Variants in METTL6 observed in about 807,000 individuals in gnomAD.
METTL6 encodes tRNA N(3)-cytidine methyltransferase METTL6.
METTL6 carries 22 observed loss-of-function variants against 26.4 expected under a neutral mutation model. That is an observed-to-expected ratio of 0.83 (90% CI 0.59 to 1.19). METTL6 has a LOEUF of 1.19. Ranked by LOEUF, METTL6 falls within the 50% of genes most tolerant of loss-of-function variation. The pLI is 0.00. For synonymous variants in METTL6, 109 were observed against 116.2 expected, an observed-to-expected ratio of 0.94 and a Z score of 0.40; for missense variants, 304 against 324.8, an observed-to-expected ratio of 0.94 and a Z score of 0.49.
At chr3:15,425,142 A>G (rs778771216) in intron 2 of METTL6, 53 bp from the exon 3 acceptor site, 4 of 1,596,978 alleles carry the variant, frequency 2.5e-6, no homozygotes, top group Non-Finnish European at 2.6e-6. Context: ...TAATGAAGAA[A>G]TAAACCAAAC....
chr3:15,398,552 CAAT>C (rs1441756372), intron 6 of METTL6, among the ~76,000 whole-genome samples: 1 of 152,070 alleles, frequency 6.6e-6, no homozygotes, highest in African/African-American at 2.4e-5. Context: ...CAGGCAGTTA[CAAT>C]AAGAGTTCCA....
At chr3:15,419,121 T>G (rs919968894) in intron 3 of METTL6, among the ~76,000 whole-genome samples, 3 of 151,788 alleles carry the variant, frequency 2.0e-5, no homozygotes, top group Non-Finnish European at 4.4e-5. Flanking sequence ...TTTGCACCAC[T>G]ATACTCCAGC....
intron 3 of METTL6, among the ~76,000 whole-genome samples, chr3:15,421,322 T>C (rs2061606910): frequency 6.6e-6 from 1 of 152,230 alleles, no homozygotes; most frequent in African/African-American, 2.4e-5. Flanking sequence ...CCCATAAAAT[T>C]GGATACTGTG....
chr3:15,427,521 G>A lies in METTL6; in HGVS notation c.-244C>T, dbSNP rs367822381. 38 of 527,224 alleles carry A rather than the reference G, an allele frequency of 7.2e-5. No individual in the cohort carries two copies. Among genetic ancestry groups the A allele is most frequent in the African/African-American group, 2.8e-4 (14 of 50,362 alleles). The allele number at this position is 527,224 out of a possible 1,614,324, so 32.7% of individuals were successfully genotyped here. ...CCGGGAGTTCTTTTGCCATGGCACC[G>A]CCCCCGCCACTTCCGCTAGGAACCC... On this transcript the variant is annotated 5_prime_UTR_variant, in exon 1 of 6. Transcript: ENST00000383790.
intron 4 of METTL6, 194 bp from the exon 5 acceptor site, chr3:15,414,356 T>A (rs1378277774): frequency 1.0e-5 from 13 of 1,288,016 alleles, no homozygotes; most frequent in Non-Finnish European, 9.8e-6. Context: ...CTAAGACACT[T>A]CTTTTTTTTT....
intron 5 of METTL6, chr3:15,413,817 C>A: frequency 6.7e-7 from 1 of 1,489,610 alleles, no homozygotes; most frequent in Non-Finnish European, 8.9e-7. Context: ...TCACTGACAC[C>A]AGAGAAGGCT....
Position 15,411,118 on chromosome 3 carries a change from C to A in METTL6, c.*138G>T. 1 of 932,722 alleles carries A rather than the reference C, an allele frequency of 1.1e-6. No individual in the cohort carries two copies. The highest frequency in any genetic ancestry group is 1.6e-6 in the Non-Finnish European group (1 of 640,252). 57.8% of individuals were successfully genotyped at this position (932,722 alleles called of 1,614,324 possible). A position where few individuals can be genotyped will look rare whatever the true frequency, so the allele number is the denominator to read the frequency against. ...CCATGTTGGCCAGGCTGGTCTCAAACTCCTGACCTCAGATGATCCCCCAAC... is the reference window on the plus strand; with the variant it reads ...CCATGTTGGCCAGGCTGGTCTCAAAATCCTGACCTCAGATGATCCCCCAAC... On this transcript the variant is annotated 3_prime_UTR_variant, in exon 6 of 6. Coordinates refer to ENST00000383790, the MANE Select transcript of METTL6 (RefSeq NM_152396.4).
At chr3:15,392,602 T>C (rs1304736903) in intron 6 of METTL6, among the ~76,000 whole-genome samples, 1 of 152,236 alleles carries the variant, frequency 6.6e-6, no homozygotes, top group Admixed American at 6.5e-5. Context: ...ATTGCCTAGG[T>C]TTCCTTCTAG....
At chr3:15,420,006 C>T (rs574889200) in intron 3 of METTL6, among the ~76,000 whole-genome samples, 8 of 151,888 alleles carry the variant, frequency 5.3e-5, no homozygotes, top group African/African-American at 1.4e-4. Context: ...GGACTACAGG[C>T]GCCCGCCACC....
chr3:15,383,248 T>G (rs1699116490), exon 7 of METTL6: 1 of 152,178 alleles, frequency 6.6e-6, no homozygotes, highest in African/African-American at 2.4e-5. Flanking sequence ...AATTACTAAG[T>G]TTTTATTCCA....
At chr3:15,384,704 A>C (rs1318334633) in intron 6 of METTL6, 1 of 152,338 alleles carries the variant, frequency 6.6e-6, no homozygotes, top group African/African-American at 2.4e-5. Context: ...ACGCCACTGC[A>C]CTCCAGCCCA....
chr3:15,395,756 T>C (rs367851520), intron 6 of METTL6, among the ~76,000 whole-genome samples: 1 of 152,152 alleles, frequency 6.6e-6, no homozygotes, highest in Non-Finnish European at 1.5e-5. Flanking sequence ...ACTTATGAAG[T>C]TTAGTTTGGC....
At chr3:15,408,561 T>TA (rs1699862991), downstream of METTL6, among the ~76,000 whole-genome samples, 1 of 66,914 alleles carries the variant, frequency 1.5e-5, no homozygotes, top group African/African-American at 7.7e-5. Flanking sequence ...TGCTCCTTGC[T>TA]CTTTTTTTTT....
chr3:15,425,207 G>C (rs2061691881), intron 2 of METTL6, 118 bp from the exon 3 acceptor site: 2 of 1,074,442 alleles, frequency 1.9e-6, no homozygotes, highest in Non-Finnish European at 2.7e-6. Flanking sequence ...CGATCAACAA[G>C]AGAACTAATA....
intron 4 of METTL6, chr3:15,415,441 A>G (rs1869852): frequency 0.073 from 110,432 of 1,505,422 alleles, 7,583 homozygotes; most frequent in African/African-American, 0.37. Flanking sequence ...ACAGGCATGA[A>G]ACACCACACC....
At chr3:15,420,851 T>C (rs9853193) in intron 3 of METTL6, among the ~76,000 whole-genome samples, 132,238 of 152,236 alleles carry the variant, frequency 0.87, 57,801 homozygotes, top group East Asian at 0.96. Context: ...AATGCTTATA[T>C]CTATCCACTG....
At chr3:15,394,044 A>G (rs1320952851) in intron 6 of METTL6, among the ~76,000 whole-genome samples, 7 of 151,960 alleles carry the variant, frequency 4.6e-5, no homozygotes, top group African/African-American at 1.7e-4. Flanking sequence ...CTCTTTTTCT[A>G]TTGATTGGAA....
downstream of METTL6, among the ~76,000 whole-genome samples, chr3:15,409,066 C>A (rs1699877848): frequency 6.6e-6 from 1 of 152,206 alleles, no homozygotes; most frequent in Non-Finnish European, 1.5e-5. Context: ...TCCACCATCT[C>A]TACAAGTTCC....
chr3:15,425,271 T>C (rs1479617311), intron 2 of METTL6, among the ~76,000 whole-genome samples, 182 bp from the exon 3 acceptor site: 3 of 152,134 alleles, frequency 2.0e-5, no homozygotes, highest in African/African-American at 7.2e-5. Context: ...CAATTTGGTG[T>C]GGAGGAAAAA....
Sources: gnomAD v4.1 joint callset for allele counts (sites outside exome capture counted in the v4.1 genomes callset) on GRCh38, gnomAD v4.1.1 for gene constraint, MANE v1.5 for transcripts, NCBI Gene and HGNC (gene_info 2026-07-23, HGNC 2026-07-21) for gene names.